ANKHD1: variants seen among roughly 807,000 people sequenced by gnomAD.
The protein encoded by ANKHD1 is ankyrin repeat and KH domain-containing protein 1.
ANKHD1 carries 31 observed loss-of-function variants against 230.5 expected under a neutral mutation model. The ratio of observed to expected loss-of-function variants is 0.13; its 90% CI spans 0.10 to 0.18. ANKHD1 has a LOEUF of 0.18. ANKHD1 is among the 10% of genes least tolerant of loss of function. The pLI, the probability that ANKHD1 is intolerant of heterozygous loss-of-function variation, is 1.00. For synonymous variants in ANKHD1, 1,074 were observed against 1,117.6 expected, an observed-to-expected ratio of 0.96 and a Z score of 0.78; for missense variants, 2,256 against 3,071.3, an observed-to-expected ratio of 0.73 and a Z score of 6.27.
chr5:140,474,973 C>T (rs114728707), intron 10 of ANKHD1, among the ~76,000 whole-genome samples: 82 of 152,196 alleles, frequency 5.4e-4, no homozygotes, highest in Middle Eastern at 3.4e-3. Flanking sequence ...AGCGTATATA[C>T]ATATTTTTAA....
In ANKHD1 at chr5:140,497,109, G is replaced by A; in HGVS notation, c.2835G>A (p.Gly945=). ...CNFSSDLGSN[G]TNSLELQKVS... ...TTTCCAGTGACTTAGGTTCTAATGG[G>A]ACAAATTCTCTTGAACTTCAGAAAG... Residue 945 remains glycine, a synonymous_variant, in exon 15 of 34, where the codon GGG becomes GGA. Transcript: ENST00000360839. 6.2e-7 allele frequency: 1 copy of A among 1,614,134 alleles called. No homozygotes were observed. Among genetic ancestry groups the A allele is most frequent in the Non-Finnish European group, 8.5e-7 (1 of 1,180,024 alleles).
chr5:140,407,117 A>T (rs1770527615), intron 1 of ANKHD1, among the ~76,000 whole-genome samples: 1 of 152,012 alleles, frequency 6.6e-6, no homozygotes, highest in Admixed American at 6.6e-5. Context: ...CAACATGGTG[A>T]AACCCCATCT....
At chr5:140,473,325 G>T (rs1044345076) in intron 10 of ANKHD1, among the ~76,000 whole-genome samples, 1 of 152,026 alleles carries the variant, frequency 6.6e-6, no homozygotes, top group Non-Finnish European at 1.5e-5. Flanking sequence ...ACCGTGCCTG[G>T]CCTAAGTTTC....
intron 20 of ANKHD1, among the ~76,000 whole-genome samples, chr5:140,508,823 G>A (rs914217272): frequency 7.0e-6 from 1 of 143,504 alleles, no homozygotes; most frequent in African/African-American, 2.6e-5. Flanking sequence ...CATAGATGCA[G>A]GAAACACACA....
chr5:140,449,340 G>GAATTTTA (rs1182358789), intron 7 of ANKHD1, 35 bp downstream of exon 7: 2 of 1,599,714 alleles, frequency 1.3e-6, no homozygotes, highest in African/African-American at 2.7e-5. Context: ...AGATTTTATG[G>GAATTTTA]GAAGAAAAGG....
chr5:140,539,063 G>A lies in ANKHD1; in HGVS notation c.7549G>A (p.Glu2517Lys). ...GATAAAAGTTATCCAAAATTCAACT[G>A]AATGCACTGATGCCCAGCAGGTAAA... ...PMIKVIQNSTECTDAQQIWPG... is the reference protein window; with the variant it reads ...PMIKVIQNSTKCTDAQQIWPG... The change falls in exon 33 of 34, where the codon GAA becomes AAA. Residue 2517 changes from glutamate to lysine, a missense_variant. Glu to Lys is a moderately conservative substitution (Grantham distance 56). Coordinates refer to ENST00000360839, the MANE Select transcript of ANKHD1 (RefSeq NM_017747.3). 4 of 1,607,484 alleles carry A rather than the reference G, an allele frequency of 2.5e-6. No homozygotes were observed. The highest frequency in any genetic ancestry group is 3.4e-6 in the Non-Finnish European group (4 of 1,177,732).
intron 1 of ANKHD1, among the ~76,000 whole-genome samples, chr5:140,427,005 A>C (rs1442797783): frequency 6.6e-6 from 1 of 152,134 alleles, no homozygotes; most frequent in African/African-American, 2.4e-5. Flanking sequence ...CATTGTCATC[A>C]TGGCCCGTTC....
Position 140,458,734 on chromosome 5 carries a change from T to A in ANKHD1, c.1352T>A (p.Val451Asp). Residue 451 changes from valine to aspartate, a missense_variant, in exon 8 of 34, where the codon GTT becomes GAT. Around this residue, in one of 13 missense-constraint regions of ANKHD1, gnomAD observed 179 missense variants for 261.8 expected, o/e 0.68. Coordinates refer to ENST00000360839, the MANE Select transcript of ANKHD1 (RefSeq NM_017747.3). ...ACGCTAGCTGCCTGTGGAGGACATG[T>A]TGAATTGGCAGCTCTACTTATTGAA... Reference protein sequence around the residue: ...PLTLAACGGHVELAALLIERG... With the variant: ...PLTLAACGGHDELAALLIERG... The A allele has an allele frequency of 6.2e-7, 1 of 1,613,258 alleles. No individual in the cohort carries two copies. The highest frequency in any genetic ancestry group is 8.5e-7 in the Non-Finnish European group (1 of 1,179,782).
At chr5:140,431,036 G>A (rs1773005089) in intron 1 of ANKHD1, among the ~76,000 whole-genome samples, 1 of 152,114 alleles carries the variant, frequency 6.6e-6, no homozygotes, top group African/African-American at 2.4e-5. Flanking sequence ...TGTTAGGTAA[G>A]ATATTTGTGA....
chr5:140,443,646 G>T (rs1020314248), intron 5 of ANKHD1, among the ~76,000 whole-genome samples: 1 of 151,234 alleles, frequency 6.6e-6, no homozygotes, highest in Non-Finnish European at 1.5e-5. Context: ...AGCCGAGATC[G>T]TGTCGCCTGG....
chr5:140,445,570 T>A (rs1427582138), intron 5 of ANKHD1, among the ~76,000 whole-genome samples, 172 bp from the exon 6 acceptor site: 1 of 152,134 alleles, frequency 6.6e-6, no homozygotes, highest in Non-Finnish European at 1.5e-5. Flanking sequence ...GTTGAGATAA[T>A]AGTTGTAGTG....
At chr5:140,497,567 G>T (rs1391619121) in intron 15 of ANKHD1, among the ~76,000 whole-genome samples, 1 of 152,098 alleles carries the variant, frequency 6.6e-6, no homozygotes, top group Admixed American at 6.6e-5. Flanking sequence ...CTGTGACTTG[G>T]GTAGGAGATC....
At chr5:140,499,626 T>C (rs1249656664) in intron 15 of ANKHD1, among the ~76,000 whole-genome samples, 1 of 152,132 alleles carries the variant, frequency 6.6e-6, no homozygotes, top group East Asian at 1.9e-4. Flanking sequence ...CTGATTAACT[T>C]AGCCCTTTAG....
intron 14 of ANKHD1, 99 bp from the exon 15 acceptor site, chr5:140,496,421 T>C: frequency 7.8e-7 from 1 of 1,285,510 alleles, no homozygotes; most frequent in Non-Finnish European, 1.0e-6. Context: ...GGTCCGTGTG[T>C]GTGGGAGGGG....
Position 140,440,253 on chromosome 5 carries a change from A to G in ANKHD1, c.752A>G (p.Tyr251Cys). Residue 251 changes from tyrosine to cysteine, a missense_variant, in exon 4 of 34, where the codon TAT becomes TGT. Physicochemically the swap from Tyr to Cys is radical, Grantham distance 194. Around this residue, in one of 13 missense-constraint regions of ANKHD1, gnomAD observed 206 missense variants for 304.5 expected, o/e 0.68. Transcript: ENST00000360839. ...LLCLACSAGY[Y>C]ELAQVLLAMH... ...TGTTTGGCTTGTTCAGCAGGGTATT[A>G]TGAATTAGCACAAGTAAGCAGAAAT... is the stretch of plus-strand genomic sequence containing the variant. 1 of 1,610,134 alleles carries G rather than the reference A, an allele frequency of 6.2e-7. No individual in the cohort carries two copies. The highest frequency in any genetic ancestry group is 1.1e-5 in the South Asian group (1 of 90,396).
chr5:140,525,923 CAA>C (rs1409146240), intron 25 of ANKHD1, 71 bp from the exon 26 acceptor site: 10 of 1,463,086 alleles, frequency 6.8e-6, no homozygotes. Context: ...TATGAATTAT[CAA>C]ATATATTCTG....
At chr5:140,510,304 C>T in intron 22 of ANKHD1, 123 bp downstream of exon 22, 1 of 962,992 alleles carries the variant, frequency 1.0e-6, no homozygotes, top group Non-Finnish European at 1.4e-6. Flanking sequence ...TGCTATCTTT[C>T]CATTCTTTTT....
chr5:140,509,014 T>G (rs1457644854), intron 20 of ANKHD1, among the ~76,000 whole-genome samples: 1 of 152,200 alleles, frequency 6.6e-6, no homozygotes, highest in East Asian at 1.9e-4. Flanking sequence ...ACTTCTTCCC[T>G]GAAATTCCTT....
At chr5:140,505,618 T>C in intron 17 of ANKHD1, 106 bp from the exon 18 acceptor site, 1 of 1,443,454 alleles carries the variant, frequency 6.9e-7, no homozygotes, top group Non-Finnish European at 9.1e-7. Flanking sequence ...TATCAGTGTC[T>C]GCCCTGAAGG....
Sources: gnomAD v4.1 joint callset for allele counts (sites outside exome capture counted in the v4.1 genomes callset) on GRCh38, gnomAD v4.1.1 for gene constraint, gnomAD v4.1.1 regional missense constraint, MANE v1.5 for transcripts, NCBI Gene and HGNC (gene_info 2026-07-23, HGNC 2026-07-21) for gene names.